Variants in ALMS1 observed in about 807,000 individuals in gnomAD.
ALMS1 encodes ALMS1 centrosome and basal body associated protein.
Under a neutral mutation model 352.2 loss-of-function variants are expected in ALMS1, and 271 were observed. The ratio of observed to expected loss-of-function variants is 0.77; its 90% confidence interval spans 0.70 to 0.85. ALMS1 has a LOEUF of 0.85. Ranked by LOEUF, ALMS1 falls within the 40% of genes least tolerant of loss-of-function variation. ALMS1 has a pLI of 0.00. For missense variants in ALMS1, 5,445 were observed against 4,870.7 expected (o/e 1.12, Z -3.51); for synonymous variants, 1,865 against 1,761.2 (o/e 1.06, Z -1.48).
In ALMS1 at chr2:73,491,433, A is replaced by G; in HGVS notation, c.9474A>G (p.Ile3158Met). Residue 3158 changes from isoleucine to methionine, a missense_variant, in exon 10 of 23, where the codon ATA (isoleucine) becomes ATG (methionine). Physicochemically the swap from Ile to Met is conservative, Grantham distance 10. Transcript: ENST00000613296. ...QNSQIVTSRQ[I>M]QVNISDFEGH... ...GCCAGATAGTAACCTCCAGGCAAAT[A>G]CAAGTGAACATTTCAGATTTCGAAG... 6.2e-7 allele frequency: 1 copy of G among 1,614,176 alleles called. No homozygotes were observed.
At chr2:73,585,822 G>T (rs955893815) in intron 16 of ALMS1, among the ~76,000 whole-genome samples, 1 of 145,052 alleles carries the variant, frequency 6.9e-6, no homozygotes, top group East Asian at 2.0e-4. Context: ...ACTGCATCCC[G>T]GGTTCAAGCA....
chr2:73,436,440 C>T (rs1173602220), intron 7 of ALMS1, among the ~76,000 whole-genome samples: 1 of 152,182 alleles, frequency 6.6e-6, no homozygotes, highest in Non-Finnish European at 1.5e-5. Context: ...GGGAAGTTTT[C>T]AGCCATCATT....
intron 1 of ALMS1, among the ~76,000 whole-genome samples, chr2:73,396,125 C>T (rs1036259058): frequency 6.6e-6 from 1 of 151,966 alleles, no homozygotes; most frequent in Non-Finnish European, 1.5e-5. Flanking sequence ...TTAATAGATG[C>T]CCTTATCATA....
chr2:73,487,023 G>C (rs1156374256), intron 9 of ALMS1, among the ~76,000 whole-genome samples: 1 of 152,164 alleles, frequency 6.6e-6, no homozygotes, highest in East Asian at 1.9e-4. Flanking sequence ...ATTCCAGCCT[G>C]GGTGACACAG....
intron 16 of ALMS1, among the ~76,000 whole-genome samples, chr2:73,587,480 T>C (rs1327274406): frequency 6.6e-6 from 1 of 152,218 alleles, no homozygotes; most frequent in African/African-American, 2.4e-5. Context: ...AGGGTTTTAA[T>C]TATAAAGTGA....
intron 1 of ALMS1, among the ~76,000 whole-genome samples, chr2:73,406,874 G>T (rs1287847097): frequency 1.3e-5 from 2 of 152,144 alleles, no homozygotes; most frequent in Admixed American, 6.5e-5. Context: ...TGATCCACTT[G>T]CCTTGCCTCC....
At chr2:73,553,462 T>C (rs778276674) in intron 13 of ALMS1, among the ~76,000 whole-genome samples, 9 of 152,186 alleles carry the variant, frequency 5.9e-5, no homozygotes, top group East Asian at 1.9e-4. Flanking sequence ...CCTTATGTGA[T>C]TGACTATACT....
chr2:73,587,726 G>A (rs1351785275), intron 16 of ALMS1, among the ~76,000 whole-genome samples: 1 of 152,092 alleles, frequency 6.6e-6, no homozygotes, highest in Non-Finnish European at 1.5e-5. Context: ...AGGGATATTG[G>A]TCTTTTGGTT....
chr2:73,574,776 T>G (rs930677887), intron 16 of ALMS1, among the ~76,000 whole-genome samples: 18 of 152,168 alleles, frequency 1.2e-4, no homozygotes, highest in African/African-American at 3.9e-4. Flanking sequence ...ACACATGACA[T>G]AAAGTTTACA....
chr2:73,589,212 T>G (rs1675372182), intron 16 of ALMS1, among the ~76,000 whole-genome samples: 1 of 117,006 alleles, frequency 8.5e-6, no homozygotes, highest in Non-Finnish European at 1.6e-5. Context: ...GTAAGCCAGA[T>G]TGATAAACAC....
chr2:73,531,053 T>G (rs930792479), intron 11 of ALMS1, among the ~76,000 whole-genome samples: 5 of 152,270 alleles, frequency 3.3e-5, no homozygotes, highest in African/African-American at 1.2e-4. Context: ...CTGGAGACAT[T>G]TTCCCCATTG....
At chr2:73,506,295 T>C (rs570636641) in intron 10 of ALMS1, among the ~76,000 whole-genome samples, 7 of 152,346 alleles carry the variant, frequency 4.6e-5, no homozygotes, top group African/African-American at 1.7e-4. Context: ...CCATATGAAC[T>C]TTAAAGTAGT....
chr2:73,518,440 T>A (rs1483586622), intron 10 of ALMS1, among the ~76,000 whole-genome samples: 1 of 152,190 alleles, frequency 6.6e-6, no homozygotes, highest in African/African-American at 2.4e-5. Flanking sequence ...TGTGCACGTG[T>A]CTTTATGGTA....
intron 7 of ALMS1, among the ~76,000 whole-genome samples, chr2:73,440,454 TTCTCTC>T (rs758891704): frequency 2.7e-5 from 4 of 150,750 alleles, no homozygotes; most frequent in Admixed American, 2.6e-4. Flanking sequence ...TTCGCTGTCT[TTCTCTC>T]TCTCTCTCTC....
chr2:73,504,919 C>T (rs977947785), intron 10 of ALMS1, among the ~76,000 whole-genome samples: 3 of 152,030 alleles, frequency 2.0e-5, no homozygotes, highest in African/African-American at 7.2e-5. Flanking sequence ...TGTGATGTTC[C>T]CCTCCCTGTG....
chr2:73,487,329 G>T (rs965045670), intron 9 of ALMS1, among the ~76,000 whole-genome samples: 1 of 152,206 alleles, frequency 6.6e-6, no homozygotes, highest in African/African-American at 2.4e-5. Context: ...TGACGGCTGT[G>T]GTAGGGCAGG....
At chr2:73,457,680 A>G (rs887194316) in intron 9 of ALMS1, among the ~76,000 whole-genome samples, 4 of 152,096 alleles carry the variant, frequency 2.6e-5, no homozygotes, top group Non-Finnish European at 5.9e-5. Flanking sequence ...TATATATTTG[A>G]TAAGTATTTT....
intron 9 of ALMS1, among the ~76,000 whole-genome samples, chr2:73,477,705 C>G (rs1672610776): frequency 6.6e-6 from 1 of 151,966 alleles, no homozygotes; most frequent in African/African-American, 2.4e-5. Context: ...TAAATATATT[C>G]TCAAGTATTT....
In ALMS1 at chr2:73,501,965, G is replaced by A. The variant is rs544388688; in HGVS notation, c.9539+10467G>A. On this transcript the variant is annotated intron_variant, in intron 10 of 22. Transcript: ENST00000613296. Reference sequence around the variant, plus strand: ...CCCCCGGTGACATATTGTAATTTTCGTTGTGTAGATTTTACACATCTACTA... The same window carrying A: ...CCCCCGGTGACATATTGTAATTTTCATTGTGTAGATTTTACACATCTACTA... 3.1e-4 allele frequency among the ~76,000 whole-genome samples: 47 copies of A among 151,942 alleles called. No individual in the cohort carries two copies. The East Asian group carries it at 3.5e-3, about 11-fold the overall frequency.
Sources: gnomAD v4.1 joint callset for allele counts (sites outside exome capture counted in the v4.1 genomes callset) on GRCh38, gnomAD v4.1.1 for gene constraint, MANE v1.5 for transcripts, NCBI Gene and HGNC (gene_info 2026-07-23, HGNC 2026-07-21) for gene names.